The following STOX2 variants were observed in gnomAD, a reference collection of about 807,000 sequenced individuals.
The protein encoded by STOX2 is storkhead-box protein 2.
A neutral mutation model predicts 60.9 loss-of-function variants in STOX2; 28 were observed. The ratio of observed to expected loss-of-function variants is 0.46; its 90% CI spans 0.34 to 0.63. The LOEUF is 0.63. Ranked by LOEUF, STOX2 falls within the 30% of genes least tolerant of loss-of-function variation. STOX2 has a pLI of 0.01. For missense variants in STOX2, 1,024 were observed against 1,187.7 expected, an observed-to-expected ratio of 0.86 and a Z score of 2.03; for synonymous variants, 472 against 463.9, an observed-to-expected ratio of 1.02 and a Z score of -0.22.
chr4:183,983,535 A>G (rs1732730542), intron 1 of STOX2, among the ~76,000 whole-genome samples: 1 of 152,194 alleles, frequency 6.6e-6, no homozygotes, highest in Admixed American at 6.5e-5. Context: ...GAGAATCTTG[A>G]CACCGCAGAC....
At chr4:183,975,170 A>G (rs1273115033) in intron 1 of STOX2, among the ~76,000 whole-genome samples, 1 of 152,128 alleles carries the variant, frequency 6.6e-6, no homozygotes, top group Non-Finnish European at 1.5e-5. Flanking sequence ...ATCATAATTC[A>G]TATGAAGTAG....
rs1741565432 is a variant in STOX2 at position 183,905,451 on chromosome 4, ACCCGGCGCCCCGGCGT to A, written c.-1339_-1324del. The A allele has an allele frequency of 6.6e-6, 1 of 152,144 alleles. No individual in the cohort carries two copies. Among genetic ancestry groups the A allele is most frequent in the Non-Finnish European group, 1.5e-5 (1 of 68,066 alleles). 9.4% of individuals were successfully genotyped at this position (152,144 alleles called of 1,614,324 possible). Reference sequence around the variant, plus strand: ...GCATTGCGTCTTCCAGGCTGCGTGGACCCGGCGCCCCGGCGTGTGCGGTTGTGGGGGAGCTCGCCGT... The same window carrying A: ...GCATTGCGTCTTCCAGGCTGCGTGGAGTGCGGTTGTGGGGGAGCTCGCCGT... On this transcript the variant is annotated 5_prime_UTR_variant, in exon 1 of 4. The change creates a premature stop within an existing upstream ORF in the 5' untranslated region. Transcript: ENST00000308497.
At chr4:183,959,745 C>T (rs764834029) in intron 1 of STOX2, among the ~76,000 whole-genome samples, 1 of 152,132 alleles carries the variant, frequency 6.6e-6, no homozygotes, top group Non-Finnish European at 1.5e-5. Context: ...ACATAAATAT[C>T]TATGCTGAAT....
intron 1 of STOX2, among the ~76,000 whole-genome samples, chr4:183,818,609 A>G (rs546837410): frequency 1.8e-4 from 27 of 152,324 alleles, no homozygotes; most frequent in Admixed American, 6.5e-4. Context: ...TGAGCTGTTG[A>G]GTACACCTCC....
chr4:183,866,932 A>G (rs184569156), intron 1 of STOX2, among the ~76,000 whole-genome samples: 7 of 152,346 alleles, frequency 4.6e-5, no homozygotes, highest in East Asian at 1.9e-4. Context: ...TATTTTGTCA[A>G]TCAACATGAA....
At chr4:183,917,192 A>T (rs1034334652) in intron 1 of STOX2, among the ~76,000 whole-genome samples, 2 of 152,172 alleles carry the variant, frequency 1.3e-5, no homozygotes, top group Admixed American at 6.5e-5. Flanking sequence ...TCTGTATTTC[A>T]CATCTTTCTC....
rs1734475089 is a variant in STOX2, at chr4:184,018,878, T to C, written c.*1594T>C. 1 of 152,246 alleles carries C rather than the reference T, an allele frequency of 6.6e-6. No homozygotes were observed. Among genetic ancestry groups the C allele is most frequent in the South Asian group, 2.1e-4 (1 of 4,824 alleles). 9.4% of individuals were successfully genotyped at this position (152,246 alleles called of 1,614,324 possible). ...AAGTAAGTGTTCTGACATAAAGTTT[T>C]ATTTAGTTCAGTGGCATGTGCTGTT... On this transcript the variant is annotated 3_prime_UTR_variant, in exon 4 of 4. Transcript: ENST00000308497.
rs1374731903 is a variant in STOX2, at chr4:184,010,475, T to C, written c.1637T>C (p.Ile546Thr). The change falls in exon 3 of 4, where the codon ATT becomes ACT. Residue 546 changes from isoleucine (I) to threonine (T), a missense_variant. Ile to Thr is a moderately conservative substitution (Grantham distance 89). Coordinates refer to ENST00000308497, the MANE Select transcript of STOX2 (RefSeq NM_020225.3). The surrounding 1 kb of genome is among the most constrained non-coding windows in gnomAD (Gnocchi z 4.5). ...AQTVSLQRAH[I>T]SSTSYKEVCI... ...ACCGTTAGTCTCCAAAGGGCTCACATTTCGTCCACAAGCTATAAAGAGGTG... is the reference window on the plus strand; with the variant it reads ...ACCGTTAGTCTCCAAAGGGCTCACACTTCGTCCACAAGCTATAAAGAGGTG... 6.2e-7 allele frequency: 1 copy of C among 1,613,868 alleles called. No individual in the cohort carries two copies. Among genetic ancestry groups the C allele is most frequent in the African/African-American group, 1.3e-5 (1 of 75,052 alleles).
chr4:184,001,530 C>G lies in STOX2; in HGVS notation c.319+53C>G. Reference sequence around the variant, plus strand: ...CAGGTGGCGGTGTGCTGTGGTCGCTCTAGGACTCACGTGGACTGTTCTGCC... The same window carrying G: ...CAGGTGGCGGTGTGCTGTGGTCGCTGTAGGACTCACGTGGACTGTTCTGCC... On this transcript the variant is annotated intron_variant, in intron 2 of 3. Coordinates refer to ENST00000308497, the MANE Select transcript of STOX2 (RefSeq NM_020225.3). The surrounding 1 kb of genome is among the most constrained non-coding windows in gnomAD (Gnocchi z 4.2). The G allele has an allele frequency of 6.3e-7, 1 of 1,580,100 alleles. No homozygotes were observed. The highest frequency in any genetic ancestry group is 8.6e-7 in the Non-Finnish European group (1 of 1,156,424).
At chr4:183,942,640 CA>C in intron 1 of STOX2, among the ~76,000 whole-genome samples, 1 of 151,916 alleles carries the variant, frequency 6.6e-6, no homozygotes, top group East Asian at 1.9e-4. Context: ...TTAGGCACTC[CA>C]AAAAGAGATA....
chr4:183,888,800 C>T (rs368213746), intron 1 of STOX2, among the ~76,000 whole-genome samples: 13 of 152,086 alleles, frequency 8.5e-5, no homozygotes, highest in Admixed American at 3.3e-4. Context: ...CACGCCTTTC[C>T]TCCACTTCAT....
chr4:183,934,317 T>C (rs968663192), intron 1 of STOX2, among the ~76,000 whole-genome samples: 24 of 151,836 alleles, frequency 1.6e-4, no homozygotes, highest in Non-Finnish European at 3.1e-4. Context: ...AAATAAAAAA[T>C]AAAATAAAAT....
At chr4:183,861,361 C>T (rs1030352858) in intron 1 of STOX2, among the ~76,000 whole-genome samples, 5 of 152,162 alleles carry the variant, frequency 3.3e-5, no homozygotes, top group Admixed American at 2.6e-4. Context: ...CTGGCCATTG[C>T]TGCTGTTTGC....
Position 183,905,930 on chromosome 4 carries a change from A to C in STOX2, c.-861A>C, listed in dbSNP as rs1014968312. The C allele has an allele frequency of 5.9e-5, 9 of 152,328 alleles. No individual in the cohort carries two copies. The highest frequency in any genetic ancestry group is 1.3e-4 in the Non-Finnish European group (9 of 68,080). 9.4% of individuals were successfully genotyped at this position (152,328 alleles called of 1,614,324 possible). On this transcript the variant is annotated 5_prime_UTR_variant, in exon 1 of 4. The change abolishes an upstream ATG in the 5' untranslated region. Transcript: ENST00000308497. ...AGGAGCATGCATGTGTAGGGGGCAC[A>C]TGCGTGTCGGCGCACCCACCCAGCC...
Position 184,010,640 on chromosome 4 carries a change from T to C in STOX2, c.1802T>C (p.Phe601Ser). 1 of 1,614,012 alleles carries C rather than the reference T, an allele frequency of 6.2e-7. No individual in the cohort carries two copies. Among genetic ancestry groups the C allele is most frequent in the Non-Finnish European group, 8.5e-7 (1 of 1,179,884 alleles). ...CPTKTATDDY[F>S]QCNTSSETVL... is the part of the protein sequence containing the mutation. ...ACAAAAACAGCCACAGATGACTATT[T>C]CCAGTGCAACACCTCTAGTGAGACG... is the stretch of plus-strand genomic sequence containing the variant. Residue 601 changes from phenylalanine to serine, a missense_variant, in exon 3 of 4, where the codon TTC (phenylalanine) becomes TCC (serine). This residue lies in a region of STOX2 where 922 missense variants were observed against 1,058.3 expected (regional missense o/e 0.87). Coordinates refer to ENST00000308497, the MANE Select transcript of STOX2 (RefSeq NM_020225.3). The surrounding 1 kb of genome is among the most constrained non-coding windows in gnomAD (Gnocchi z 4.5).
intron 1 of STOX2, among the ~76,000 whole-genome samples, chr4:183,807,912 C>A (rs1738943693): frequency 6.6e-6 from 1 of 152,214 alleles, no homozygotes; most frequent in South Asian, 2.1e-4. Context: ...AATCAGGCCG[C>A]TTTCTTTGTG....
chr4:183,936,183 T>C (rs149045103), intron 1 of STOX2, among the ~76,000 whole-genome samples: 23 of 152,090 alleles, frequency 1.5e-4, no homozygotes, highest in Non-Finnish European at 2.6e-4. Flanking sequence ...ACTTCTGCAG[T>C]CTTCCTCCAA....
intron 1 of STOX2, among the ~76,000 whole-genome samples, chr4:183,848,656 AG>A (rs767772332): frequency 3.5e-4 from 54 of 152,206 alleles, no homozygotes; most frequent in Non-Finnish European, 6.5e-4. Flanking sequence ...TAAGGATGTG[AG>A]GTGGCTAGTT....
intron 1 of STOX2, among the ~76,000 whole-genome samples, chr4:183,987,496 G>T (rs757543916): frequency 2.0e-5 from 3 of 151,864 alleles, no homozygotes; most frequent in Non-Finnish European, 2.9e-5. Flanking sequence ...GATCTTAGCC[G>T]TAGACATTTT....
Sources: allele counts gnomAD v4.1 joint callset (sites outside exome capture counted in the v4.1 genomes callset), GRCh38; gene constraint gnomAD v4.1.1; regional missense constraint gnomAD v4.1.1; non-coding constraint Gnocchi (gnomAD v3.1); transcripts MANE v1.5; gene names NCBI Gene and HGNC (gene_info 2026-07-23, HGNC 2026-07-21).